The following MEGF6 variants were observed in gnomAD, a reference collection of about 807,000 sequenced individuals.
The protein encoded by MEGF6 is multiple EGF like domains 6.
A neutral mutation model predicts 207.1 loss-of-function variants in MEGF6; 184 were observed. That is an observed-to-expected ratio of 0.89 (90% CI 0.79 to 1.00). The LOEUF is 1.00. MEGF6 is among the 50% of genes least tolerant of loss of function. MEGF6 has a pLI of 0.00. For missense variants in MEGF6, 2,282 were observed against 2,202.9 expected (o/e 1.04, Z -0.72); for synonymous variants, 1,038 against 910.0 (o/e 1.14, Z -2.53).
rs1038345030 is a variant in MEGF6 at position 3,488,907 on chromosome 1, T to C, written c.*1621A>G. Among the ~76,000 whole-genome samples, 8 of 152,232 alleles carry C rather than the reference T, an allele frequency of 5.3e-5. No individual in the cohort carries two copies. Among genetic ancestry groups the C allele is most frequent in the African/African-American group, 1.9e-4 (8 of 41,450 alleles). The stretch of plus-strand genomic sequence containing the variant: ...TCGTCGTTGCTTCATGTCAATGACT[T>C]CTTACTTTTGTATTTTGCAGTTAGA... On this transcript the variant is annotated 3_prime_UTR_variant, in exon 37 of 37. Transcript: ENST00000356575.
the MEGF6 span, among the ~76,000 whole-genome samples, chr1:3,619,101 AAAT>A: frequency 5.3e-5 from 8 of 152,276 alleles, no homozygotes; most frequent in Admixed American, 5.2e-4. Flanking sequence ...GCAGGAAGAT[AAAT>A]AATGACTTCA....
intron 4 of MEGF6, among the ~76,000 whole-genome samples, chr1:3,567,568 A>T (rs1643381373): frequency 6.6e-6 from 1 of 152,036 alleles, no homozygotes. Context: ...CCTGCCAGCC[A>T]GCACCGCGCA....
At chr1:3,494,208 C>A in intron 32 of MEGF6, 84 bp from the exon 33 acceptor site, 1 of 1,500,036 alleles carries the variant, frequency 6.7e-7, no homozygotes, top group South Asian at 1.3e-5. Flanking sequence ...ACCCGCCAAT[C>A]CAGGGGCCCG....
At chr1:3,600,197 G>T (rs1007977366) in intron 2 of MEGF6, among the ~76,000 whole-genome samples, 3 of 152,186 alleles carry the variant, frequency 2.0e-5, no homozygotes, top group Non-Finnish European at 4.4e-5. Context: ...TCAGTGCCCC[G>T]GCTGAATGGT....
intron 4 of MEGF6, among the ~76,000 whole-genome samples, chr1:3,534,525 C>A (rs1328239084): frequency 1.3e-5 from 2 of 152,114 alleles, no homozygotes; most frequent in African/African-American, 4.8e-5. Flanking sequence ...AACACTAGCA[C>A]CTCCCTCCTG....
chr1:3,583,302 A>G (rs1219890491), intron 3 of MEGF6, among the ~76,000 whole-genome samples: 1 of 150,772 alleles, frequency 6.6e-6, no homozygotes, highest in Non-Finnish European at 1.5e-5. Flanking sequence ...CCACCAGACA[A>G]CGCGCAGCCA....
chr1:3,612,858 T>C (rs1013475428), upstream of MEGF6, among the ~76,000 whole-genome samples: 1 of 152,154 alleles, frequency 6.6e-6, no homozygotes, highest in Non-Finnish European at 1.5e-5. Context: ...TACAGTCCTC[T>C]GGGGGTGGGT....
At chr1:3,609,029 C>A (rs1644291147) in intron 1 of MEGF6, among the ~76,000 whole-genome samples, 1 of 152,204 alleles carries the variant, frequency 6.6e-6, no homozygotes, top group South Asian at 2.1e-4. Context: ...TTCAACTCAG[C>A]AGCCAGTGGT....
chr1:3,506,624 C>G lies in MEGF6; in HGVS notation c.1790-388G>C, dbSNP rs568152948. Among the ~76,000 whole-genome samples, 244 of 152,330 alleles carry G rather than the reference C, an allele frequency of 1.6e-3. 1 individual carries two copies. The highest frequency in any genetic ancestry group is 0.01 in the Middle Eastern group (3 of 294). On this transcript the variant is annotated intron_variant, in intron 14 of 36. Coordinates refer to ENST00000356575, the MANE Select transcript of MEGF6 (RefSeq NM_001409.4). ...CACGTGGCCCCAGTAGACAAGGTCC[C>G]AGGCCCAAGCCGCAGGTGGCCCCAG... is the stretch of plus-strand genomic sequence containing the variant.
chr1:3,488,409 T>G lies in MEGF6; in HGVS notation c.*2119A>C, dbSNP rs561204469. ...ACACCATGCTGAGACTGTCGGGGGT[T>G]CCCATTGGGGAGTAATGGTGATATT... On this transcript the variant is annotated 3_prime_UTR_variant, in exon 37 of 37. Coordinates refer to ENST00000356575, the MANE Select transcript of MEGF6 (RefSeq NM_001409.4). Among the ~76,000 whole-genome samples the G allele has an allele frequency of 2.0e-4, 31 of 152,322 alleles. No homozygotes were observed. The highest frequency in any genetic ancestry group is 7.5e-4 in the African/African-American group (31 of 41,560).
intron 4 of MEGF6, among the ~76,000 whole-genome samples, chr1:3,533,145 G>C (rs4648523): frequency 0.066 from 10,001 of 152,290 alleles, 495 homozygotes; most frequent in African/African-American, 0.13. Context: ...GCTGATCCAG[G>C]GCACCTGGGA....
chr1:3,512,202 T>C (rs1641378342), intron 7 of MEGF6, 74 bp from the exon 8 acceptor site: 16 of 1,513,168 alleles, frequency 1.1e-5, no homozygotes, highest in Non-Finnish European at 1.3e-5. Context: ...TGGAAGACAG[T>C]GCACGGCCTG....
chr1:3,512,802 C>G (rs190653305), intron 7 of MEGF6, among the ~76,000 whole-genome samples: 1 of 152,150 alleles, frequency 6.6e-6, no homozygotes, highest in Admixed American at 6.5e-5. Context: ...TTATCGGCAG[C>G]GTGAAAATGG....
At chr1:3,613,602 A>G (rs1644354086), upstream of MEGF6, among the ~76,000 whole-genome samples, 1 of 152,150 alleles carries the variant, frequency 6.6e-6, no homozygotes, top group Non-Finnish European at 1.5e-5. Context: ...TTATCAGAGG[A>G]AGAAGGAAAG....
At chr1:3,518,958 G>C (rs1641641823) in intron 5 of MEGF6, among the ~76,000 whole-genome samples, 1 of 152,206 alleles carries the variant, frequency 6.6e-6, no homozygotes, top group African/African-American at 2.4e-5. Flanking sequence ...CTGACTCACA[G>C]CCTGTGAGAG....
intron 5 of MEGF6, among the ~76,000 whole-genome samples, chr1:3,523,407 C>G (rs902941412): frequency 6.6e-6 from 1 of 152,178 alleles, no homozygotes; most frequent in Non-Finnish European, 1.5e-5. Context: ...TCCTAGAGGC[C>G]TGGCACCTCC....
chr1:3,526,172 C>T (rs1641954582), intron 4 of MEGF6, among the ~76,000 whole-genome samples: 1 of 152,184 alleles, frequency 6.6e-6, no homozygotes, highest in Non-Finnish European at 1.5e-5. Context: ...CCTAGGGGTC[C>T]GGGGCCTCTG....
At position 3,507,860 on chromosome 1, in the gene MEGF6, G is replaced by T. The variant is rs773108171; in HGVS notation, c.1724C>A (p.Thr575Asn). The T allele has an allele frequency of 3.2e-5, 52 of 1,612,694 alleles. No homozygotes were observed. The highest frequency in any genetic ancestry group is 4.3e-5 in the Non-Finnish European group (51 of 1,179,992). The change falls in exon 14 of 37, where the codon ACC becomes AAC. Residue 575 changes from threonine (T) to asparagine (N), a missense_variant. Coordinates refer to ENST00000356575, the MANE Select transcript of MEGF6 (RefSeq NM_001409.4). Reference protein sequence around the residue: ...SFSCSCQNGGTCDSVTGACRC... With the variant: ...SFSCSCQNGGNCDSVTGACRC... ...GCAGGCCCCCGTGACAGAGTCGCAGGTCCCACCATTCTGACAGCTGCAGGA... is the reference window on the plus strand; with the variant it reads ...GCAGGCCCCCGTGACAGAGTCGCAGTTCCCACCATTCTGACAGCTGCAGGA...
intron 26 of MEGF6, 116 bp downstream of exon 26, chr1:3,498,255 C>A: frequency 7.7e-7 from 1 of 1,300,270 alleles, no homozygotes; most frequent in Non-Finnish European, 1.0e-6. Flanking sequence ...ATTCACAGGA[C>A]AACAGGTCCC....
Sources: gnomAD v4.1 joint callset for allele counts (sites outside exome capture counted in the v4.1 genomes callset) on GRCh38, gnomAD v4.1.1 for gene constraint, MANE v1.5 for transcripts, NCBI Gene and HGNC (gene_info 2026-07-23, HGNC 2026-07-21) for gene names.